The following KCNA3 variants were observed in gnomAD, a reference collection of about 807,000 sequenced individuals.
KCNA3 encodes the protein potassium voltage-gated channel subfamily A member 3.
A neutral mutation model predicts 34.3 loss-of-function variants in KCNA3; 18 were observed. That is an observed-to-expected ratio of 0.52 (90% confidence interval 0.36 to 0.78). The LOEUF (loss-of-function observed/expected upper bound fraction) is 0.78. Among genes scored for constraint, KCNA3 ranks in the 30% least tolerant of loss-of-function variants. The pLI is 0.00. For missense variants in KCNA3, 587 were observed against 802.5 expected (o/e 0.73, Z 3.24); for synonymous variants, 324 against 351.7 (o/e 0.92, Z 0.88).
rs750465296 is a variant in KCNA3, at chr1:110,673,541, G to A, written c.1269C>T (p.Asp423=). ...GGATGCTGCTGAAACCTGAAGTGGG[G>A]TCGTCTGCCTCGGCAAAGTAGACCG... The part of the protein sequence containing the change: ...SSAVYFAEAD[D]PTSGFSSIPD... The change falls in exon 1 of 1, where the codon GAC becomes GAT. Residue 423 remains aspartate (D), a synonymous_variant. Coordinates refer to ENST00000369769, the MANE Select transcript of KCNA3 (RefSeq NM_002232.5). The surrounding 1 kb of genome is among the most constrained non-coding windows in gnomAD (Gnocchi z 8.8). 4.3e-6 allele frequency: 7 copies of A among 1,614,186 alleles called. No homozygotes were observed. The East Asian group carries it at 1.6e-4, about 36-fold the overall frequency.
chr1:110,659,187 AC>A, the KCNA3 span, among the ~76,000 whole-genome samples: 133,278 of 147,358 alleles, frequency 0.9, 60,319 homozygotes, highest in East Asian at 0.99. Context: ...GAAAAAAAAA[AC>A]ACAAAAAACA....
At chr1:110,666,135 A>G in the KCNA3 span, among the ~76,000 whole-genome samples, 1 of 152,368 alleles carries the variant, frequency 6.6e-6, no homozygotes, top group Middle Eastern at 3.4e-3. Context: ...TTGAGCATCT[A>G]TGAAATTGGG....
chr1:110,660,023 T>C, the KCNA3 span, among the ~76,000 whole-genome samples: 1 of 152,148 alleles, frequency 6.6e-6, no homozygotes, highest in South Asian at 2.1e-4. Context: ...ACATGACACA[T>C]GTATACCTAT....
At chr1:110,669,188 C>CT (rs1486011372), downstream of KCNA3, among the ~76,000 whole-genome samples, 1 of 152,146 alleles carries the variant, frequency 6.6e-6, no homozygotes, top group Non-Finnish European at 1.5e-5. Context: ...ATTTACATGA[C>CT]TTTCTGGTAT....
At chr1:110,666,706 A>G in the KCNA3 span, among the ~76,000 whole-genome samples, 1 of 152,200 alleles carries the variant, frequency 6.6e-6, no homozygotes, top group Non-Finnish European at 1.5e-5. Context: ...TTCACACTTA[A>G]TGTAGGATAG....
downstream of KCNA3, among the ~76,000 whole-genome samples, chr1:110,672,026 AT>A (rs1462588689): frequency 2.0e-5 from 3 of 152,064 alleles, no homozygotes; most frequent in Admixed American, 6.6e-5. Context: ...ACTTAACTTT[AT>A]TTTTTGTGCG....
chr1:110,673,705 C>G lies in KCNA3; in HGVS notation c.1105G>C (p.Val369Leu). 6.2e-7 allele frequency: 1 copy of G among 1,614,190 alleles called. No individual in the cohort carries two copies. Among genetic ancestry groups the G allele is most frequent in the South Asian group, 1.1e-5 (1 of 91,076 alleles). ...AGCTTGAAGATGCGGAAGACCCTTA[C>G]CAGGCGGATGACCCTCAGGATGGCC... The part of the protein sequence containing the change: ...SLAILRVIRL[V>L]RVFRIFKLSR... The change falls in exon 1 of 1, where the codon GTA (valine) becomes CTA (leucine). Residue 369 changes from valine (V) to leucine (L), a missense_variant. Physicochemically the swap from Val to Leu is conservative, Grantham distance 32. Around this residue, in one of 7 missense-constraint regions of KCNA3, gnomAD observed 84 missense variants for 223.1 expected, o/e 0.38. Transcript: ENST00000369769. This position sits in a 1 kb window ranked among gnomAD's most constrained non-coding sequence, Gnocchi z 8.8.
chr1:110,671,167 A>G (rs149229826), downstream of KCNA3, among the ~76,000 whole-genome samples: 1 of 152,318 alleles, frequency 6.6e-6, no homozygotes, highest in East Asian at 1.9e-4. Context: ...TTAAAGGGAA[A>G]CAGGTTGCTT....
At chr1:110,662,650 T>C in the KCNA3 span, among the ~76,000 whole-genome samples, 1 of 152,180 alleles carries the variant, frequency 6.6e-6, no homozygotes, top group East Asian at 1.9e-4. Context: ...TTGAAAATTA[T>C]GTACTCTCAG....
At chr1:110,664,656 T>C in the KCNA3 span, among the ~76,000 whole-genome samples, 23 of 152,182 alleles carry the variant, frequency 1.5e-4, no homozygotes, top group Admixed American at 1.3e-4. Context: ...CCAACTGTAT[T>C]TCAGGTACTA....
At chr1:110,664,273 G>A in the KCNA3 span, among the ~76,000 whole-genome samples, 4 of 152,140 alleles carry the variant, frequency 2.6e-5, no homozygotes, top group African/African-American at 4.8e-5. Context: ...CAGCTATTAC[G>A]TATGAAAAAA....
At chr1:110,669,909 G>A (rs529110750), downstream of KCNA3, among the ~76,000 whole-genome samples, 11 of 152,272 alleles carry the variant, frequency 7.2e-5, no homozygotes, top group South Asian at 1.9e-3. Context: ...ATTATACAGT[G>A]CTTGTGAGTG....
At position 110,674,867 on chromosome 1, in the gene KCNA3, C is replaced by T. The variant is rs1390191447; in HGVS notation, c.-58G>A. Reference sequence around the variant, plus strand: ...GGTCGCTCCTCCTCGCGCTCCCCGCCCTTTCGCCGCCTCCGCCCCCGAGCC... The same window carrying T: ...GGTCGCTCCTCCTCGCGCTCCCCGCTCTTTCGCCGCCTCCGCCCCCGAGCC... On this transcript the variant is annotated 5_prime_UTR_variant, in exon 1 of 1. Transcript: ENST00000369769. This position sits in a 1 kb window ranked among gnomAD's most constrained non-coding sequence, Gnocchi z 6.4. The T allele has an allele frequency of 6.3e-6, 8 of 1,275,814 alleles. No homozygotes were observed. In the Admixed American group the frequency reaches 1.3e-4, roughly 20 times the overall value. The allele number at this position is 1,275,814 out of a possible 1,614,324, so 79.0% of individuals were successfully genotyped here.
rs748661099 is a variant in KCNA3 at position 110,673,205 on chromosome 1, C to A, written c.1605G>T (p.Gly535=). ...GGGGGAAAGCGCTATGGTTCATACCCCCCTCTTCGATCACCATATACTCCG... is the reference window on the plus strand; with the variant it reads ...GGGGGAAAGCGCTATGGTTCATACCACCCTCTTCGATCACCATATACTCCG... ...SKSEYMVIEE[G]GMNHSAFPQT... Residue 535 remains glycine, a synonymous_variant, in exon 1 of 1, where the codon GGG becomes GGT. Transcript: ENST00000369769. This position sits in a 1 kb window ranked among gnomAD's most constrained non-coding sequence, Gnocchi z 8.8. 1.9e-6 allele frequency: 3 copies of A among 1,614,116 alleles called. No homozygotes were observed. Among genetic ancestry groups the A allele is most frequent in the East Asian group, 2.2e-5 (1 of 44,880 alleles).
downstream of KCNA3, among the ~76,000 whole-genome samples, chr1:110,668,070 T>C (rs1156528306): frequency 6.6e-6 from 1 of 152,138 alleles, no homozygotes; most frequent in African/African-American, 2.4e-5. Context: ...CATTAATATA[T>C]ATAGAATTGC....
At chr1:110,654,919 A>G in the KCNA3 span, 3 of 152,262 alleles carry the variant, frequency 2.0e-5, no homozygotes, top group Non-Finnish European at 4.4e-5. Context: ...AGTACTTCAT[A>G]TAAAGATTTT....
chr1:110,671,681 T>A (rs575534015), downstream of KCNA3, among the ~76,000 whole-genome samples: 1 of 152,228 alleles, frequency 6.6e-6, no homozygotes, highest in Non-Finnish European at 1.5e-5. Context: ...TCTGTATTTT[T>A]TTTTTTAAAG....
At chr1:110,655,661 A>G in the KCNA3 span, 3 of 152,148 alleles carry the variant, frequency 2.0e-5, no homozygotes, top group Non-Finnish European at 4.4e-5. Flanking sequence ...CAAAATATAC[A>G]TTTCCTTTTA....
chr1:110,662,127 AAAAAAAAAAT>A, the KCNA3 span, among the ~76,000 whole-genome samples: 2 of 150,458 alleles, frequency 1.3e-5, no homozygotes, highest in Non-Finnish European at 3.0e-5. Flanking sequence ...AAAAAAAAAA[AAAAAAAAAAT>A]TCAGAATGTC....
Sources: gnomAD v4.1 joint callset for allele counts (sites outside exome capture counted in the v4.1 genomes callset) on GRCh38, gnomAD v4.1.1 for gene constraint, gnomAD v4.1.1 regional missense constraint, Gnocchi (gnomAD v3.1) non-coding constraint, MANE v1.5 for transcripts, NCBI Gene and HGNC (gene_info 2026-07-23, HGNC 2026-07-21) for gene names.